EPB41L4A: variants seen among roughly 807,000 people sequenced by gnomAD.
EPB41L4A encodes the protein erythrocyte membrane protein band 4.1 like 4A, also known as band 4.1-like protein 4A.
Under a neutral mutation model 108.6 loss-of-function variants are expected in EPB41L4A, and 100 were observed. The observed-to-expected ratio is 0.92, with a 90% CI of 0.78 to 1.09. The LOEUF (loss-of-function observed/expected upper bound fraction) is 1.09, where lower values mean the gene tolerates loss of function less well. EPB41L4A is among the 50% of genes least tolerant of loss of function. EPB41L4A has a pLI of 0.00. For missense variants in EPB41L4A, 1,030 were observed against 842.7 expected, an observed-to-expected ratio of 1.22 and a Z score of -2.75; for synonymous variants, 319 against 289.0, an observed-to-expected ratio of 1.10 and a Z score of -1.05.
chr5:112,159,228 G>A (rs1580336072), downstream of EPB41L4A, among the ~76,000 whole-genome samples: 1 of 152,088 alleles, frequency 6.6e-6, no homozygotes, highest in East Asian at 1.9e-4. Flanking sequence ...TGTATTTAAT[G>A]TATATAACTT....
upstream of EPB41L4A, chr5:112,419,515 T>C (rs1018533729): frequency 1.0e-5 from 4 of 390,620 alleles, no homozygotes; most frequent in African/African-American, 8.4e-5. Flanking sequence ...CGTCCTGGCG[T>C]CCGATCGGCC....
intron 1 of EPB41L4A, among the ~76,000 whole-genome samples, chr5:112,319,789 T>C (rs1420569518): frequency 1.3e-5 from 2 of 152,190 alleles, no homozygotes; most frequent in African/African-American, 4.8e-5. Context: ...CAACCAACAT[T>C]TGCCTGGGGT....
intron 1 of EPB41L4A, among the ~76,000 whole-genome samples, chr5:112,389,378 C>G (rs904906847): frequency 6.6e-6 from 1 of 152,178 alleles, no homozygotes; most frequent in Non-Finnish European, 1.5e-5. Flanking sequence ...AAAATCAAAA[C>G]AGACTCATCC....
rs75449342 is a variant in EPB41L4A at position 112,280,888 on chromosome 5, G to A, written c.205-565C>T. ...TTAGAGCCATGTCTCTTCCTAATAC[G>A]TCCTCACCATCTTTGCTTCCAGTCT... On this transcript the variant is annotated intron_variant, in intron 2 of 22. Coordinates refer to ENST00000261486, the MANE Select transcript of EPB41L4A (RefSeq NM_022140.5). Among the ~76,000 whole-genome samples, 1,201 of 152,148 alleles carry A rather than the reference G, an allele frequency of 7.9e-3. 16 individuals carry two copies. Among genetic ancestry groups the A allele is most frequent in the African/African-American group, 0.027 (1,115 of 41,494 alleles).
At chr5:112,181,547 T>C (rs1761156043) in intron 18 of EPB41L4A, among the ~76,000 whole-genome samples, 1 of 152,018 alleles carries the variant, frequency 6.6e-6, no homozygotes, top group South Asian at 2.1e-4. Flanking sequence ...TCCACACACA[T>C]ACTTGTAGAG....
At chr5:112,220,770 T>C (rs1483916609) in intron 12 of EPB41L4A, among the ~76,000 whole-genome samples, 1 of 152,148 alleles carries the variant, frequency 6.6e-6, no homozygotes, top group Non-Finnish European at 1.5e-5. Flanking sequence ...ACCTAGAAGG[T>C]AACTCTCTGA....
chr5:112,339,514 A>ATCTC (rs373701616), intron 1 of EPB41L4A, among the ~76,000 whole-genome samples: 1 of 105,040 alleles, frequency 9.5e-6, no homozygotes, highest in South Asian at 2.6e-4. Context: ...ATATATAGAT[A>ATCTC]TATAGATATA....
chr5:112,171,073 A>G lies in EPB41L4A; in HGVS notation c.1623-81T>C, dbSNP rs1760553224. ...AATAACTAACTTTAATAGTTTTCAG[A>G]CTGTGAAGTTCTTATTTGCCAGCTG... On this transcript the variant is annotated intron_variant, in intron 18 of 22. Coordinates refer to ENST00000261486, the MANE Select transcript of EPB41L4A (RefSeq NM_022140.5). 4.8e-6 allele frequency: 6 copies of G among 1,255,110 alleles called. No individual in the cohort carries two copies. In the South Asian group the frequency reaches 7.5e-5, roughly 16 times the overall value. 77.7% of individuals were successfully genotyped at this position (1,255,110 alleles called of 1,614,324 possible).
At chr5:112,389,112 A>G (rs1238485021) in intron 1 of EPB41L4A, among the ~76,000 whole-genome samples, 1 of 152,234 alleles carries the variant, frequency 6.6e-6, no homozygotes, top group African/African-American at 2.4e-5. Flanking sequence ...GGAGAACAAC[A>G]ACAGGAGAAA....
chr5:112,160,904 C>T (rs937551053), downstream of EPB41L4A: 1 of 156,344 alleles, frequency 6.4e-6, no homozygotes, highest in Non-Finnish European at 1.5e-5. Flanking sequence ...GGTTTTTGCT[C>T]TGGGTCCTCT....
intron 17 of EPB41L4A, among the ~76,000 whole-genome samples, chr5:112,190,112 GC>G (rs1231816349): frequency 6.6e-6 from 1 of 152,146 alleles, no homozygotes; most frequent in East Asian, 1.9e-4. Context: ...ACTTTATAGT[GC>G]CTTGTACTAG....
At position 112,302,742 on chromosome 5, in the gene EPB41L4A, G is replaced by C. The variant is rs145989574; in HGVS notation, c.204+4644C>G. Among the ~76,000 whole-genome samples, 11 of 152,298 alleles carry C rather than the reference G, an allele frequency of 7.2e-5. No homozygotes were observed. In the East Asian group the frequency reaches 1.9e-3, roughly 27 times the overall value. ...TCCCTCCTGAAACATCTGGGTTGAA[G>C]ATAGGAATCTGAGGCTCAGTCTTTC... On this transcript the variant is annotated intron_variant, in intron 2 of 22. Coordinates refer to ENST00000261486, the MANE Select transcript of EPB41L4A (RefSeq NM_022140.5).
At chr5:112,357,817 T>C (rs1211627337) in intron 1 of EPB41L4A, among the ~76,000 whole-genome samples, 1 of 152,212 alleles carries the variant, frequency 6.6e-6, no homozygotes, top group African/African-American at 2.4e-5. Flanking sequence ...GGAAGAGCTA[T>C]GTGGATGGAC....
In EPB41L4A at chr5:112,178,752, T is replaced by C. The variant is rs570427621; in HGVS notation, c.1622+5264A>G. Among the ~76,000 whole-genome samples, 3 of 151,842 alleles carry C rather than the reference T, an allele frequency of 2.0e-5. No individual in the cohort carries two copies. The South Asian group carries it at 6.2e-4, about 32-fold the overall frequency. On this transcript the variant is annotated intron_variant, in intron 18 of 22. Coordinates refer to ENST00000261486, the MANE Select transcript of EPB41L4A (RefSeq NM_022140.5). ...TAACAAAAACAATGTCAAAAACATG[T>C]GAGATATAGTTAAAGCATGGCTGAA...
chr5:112,163,183 A>T lies in EPB41L4A; in HGVS notation c.*1807T>A, dbSNP rs1293707922. The T allele has an allele frequency of 6.6e-6, 1 of 152,260 alleles. No individual in the cohort carries two copies. The highest frequency in any genetic ancestry group is 2.1e-4 in the South Asian group (1 of 4,832). 9.4% of individuals were successfully genotyped at this position (152,260 alleles called of 1,614,324 possible). A position where few individuals can be genotyped will look rare whatever the true frequency, so the allele number is the denominator to read the frequency against. ...TTGGACTAGTAAAATTAGTGAAATA[A>T]GATCGTTTATAGTTGGATGACAGAG... is the stretch of plus-strand genomic sequence containing the variant. On this transcript the variant is annotated 3_prime_UTR_variant, in exon 23 of 23. Coordinates refer to ENST00000261486, the MANE Select transcript of EPB41L4A (RefSeq NM_022140.5).
chr5:112,384,336 T>C (rs1364117954), intron 1 of EPB41L4A, among the ~76,000 whole-genome samples: 1 of 152,164 alleles, frequency 6.6e-6, no homozygotes, highest in Non-Finnish European at 1.5e-5. Flanking sequence ...TTAAAAACAT[T>C]AAGAATCCAT....
intron 9 of EPB41L4A, among the ~76,000 whole-genome samples, chr5:112,247,189 A>G (rs1561508460): frequency 7.8e-6 from 1 of 128,282 alleles, no homozygotes; most frequent in East Asian, 2.4e-4. Flanking sequence ...TGGGTATACA[A>G]TGACAACTCA....
intron 22 of EPB41L4A, among the ~76,000 whole-genome samples, chr5:112,165,858 C>G (rs141655459): frequency 6.6e-6 from 1 of 152,314 alleles, no homozygotes. Flanking sequence ...TAAAATGCAG[C>G]TACCTTTAAT....
chr5:112,403,138 T>C (rs868148921), intron 1 of EPB41L4A, among the ~76,000 whole-genome samples: 15 of 152,080 alleles, frequency 9.9e-5, no homozygotes, highest in Admixed American at 3.3e-4. Context: ...CATAAGGGGA[T>C]TGATCCACTG....
Sources: gnomAD v4.1 joint callset for allele counts (sites outside exome capture counted in the v4.1 genomes callset) on GRCh38, gnomAD v4.1.1 for gene constraint, MANE v1.5 for transcripts, NCBI Gene and HGNC (gene_info 2026-07-23, HGNC 2026-07-21) for gene names.